Variants in IGF1R observed in about 807,000 individuals in gnomAD.
IGF1R encodes the protein insulin like growth factor 1 receptor, also known as insulin-like growth factor 1 receptor.
In IGF1R, 44 loss-of-function variants were observed where a neutral mutation model predicts 144.6. The ratio of observed to expected loss-of-function variants is 0.30; its 90% CI spans 0.24 to 0.39. IGF1R has a LOEUF of 0.39. Ranked by LOEUF, IGF1R falls within the 10% of genes least tolerant of loss-of-function variation. The pLI is 1.00. For synonymous variants in IGF1R, 795 were observed against 722.8 expected (o/e 1.10, Z -1.60); for missense variants, 1,355 against 1,833.7 (o/e 0.74, Z 4.77).
chr15:98,920,195 T>A (rs1192956572), intron 10 of IGF1R, among the ~76,000 whole-genome samples: 1 of 152,166 alleles, frequency 6.6e-6, no homozygotes, highest in African/African-American at 2.4e-5. Context: ...AATGTTTGCT[T>A]TTGGGCGTAC....
rs141759660 is a variant in IGF1R at position 98,788,891 on chromosome 15, G to A, written c.640+80784G>A. ...ACATTTTTTTCTTTACCATTTCTCC[G>A]TAGTTATTTCTAGCATTTTTTTTTC... On this transcript the variant is annotated intron_variant, in intron 2 of 20. Coordinates refer to ENST00000650285, the MANE Select transcript of IGF1R (RefSeq NM_000875.5). Among the ~76,000 whole-genome samples, 383 of 152,024 alleles carry A rather than the reference G, an allele frequency of 2.5e-3. 2 individuals carry two copies. Among genetic ancestry groups the A allele is most frequent in the African/African-American group, 8.2e-3 (339 of 41,450 alleles).
In IGF1R at chr15:98,960,148, GGTA is replaced by G. The variant is rs1177902603; in HGVS notation, c.*2707_*2709del. 1 of 233,582 alleles carries G rather than the reference GGTA, an allele frequency of 4.3e-6. No homozygotes were observed. Among genetic ancestry groups the G allele is most frequent in the Non-Finnish European group, 8.5e-6 (1 of 118,066 alleles). The allele number at this position is 233,582 out of a possible 1,614,324, so 14.5% of individuals were successfully genotyped here. A position where few individuals can be genotyped will look rare whatever the true frequency, so the allele number is the denominator to read the frequency against. On this transcript the variant is annotated 3_prime_UTR_variant, in exon 21 of 21. Coordinates refer to ENST00000650285, the MANE Select transcript of IGF1R (RefSeq NM_000875.5). ...CACCTGACAATAGGCCGTTGATACTGGTAACCTCATCCACGCCACAGGCGCCAC... is the reference window on the plus strand; with the variant it reads ...CACCTGACAATAGGCCGTTGATACTGACCTCATCCACGCCACAGGCGCCAC...
Position 98,944,205 on chromosome 15 carries a change from T to C in IGF1R, c.3587+1153T>C, listed in dbSNP as rs554096941. The stretch of plus-strand genomic sequence containing the variant: ...TGTAGTATAATAAAATAGAAAACTA[T>C]ACAGCCGGGGAGAACAGAAGCAGAA... On this transcript the variant is annotated intron_variant, in intron 19 of 20. Coordinates refer to ENST00000650285, the MANE Select transcript of IGF1R (RefSeq NM_000875.5). Among the ~76,000 whole-genome samples the C allele has an allele frequency of 4.6e-5, 7 of 152,208 alleles. No homozygotes were observed. In the East Asian group the frequency reaches 1.4e-3, roughly 29 times the overall value.
chr15:98,895,864 A>G (rs943720836), intron 3 of IGF1R, among the ~76,000 whole-genome samples: 1 of 152,198 alleles, frequency 6.6e-6, no homozygotes, highest in East Asian at 1.9e-4. Context: ...TTACACACAC[A>G]TCGCATAAGT....
intron 14 of IGF1R, among the ~76,000 whole-genome samples, chr15:98,929,920 C>T (rs990359788): frequency 6.6e-6 from 1 of 152,210 alleles, no homozygotes; most frequent in African/African-American, 2.4e-5. Flanking sequence ...GCATACTTTT[C>T]CAAACGCGAT....
At chr15:98,693,260 C>T (rs1042116277) in intron 1 of IGF1R, among the ~76,000 whole-genome samples, 20 of 152,158 alleles carry the variant, frequency 1.3e-4, no homozygotes, top group Non-Finnish European at 2.2e-4. Context: ...ATGTTGGCTA[C>T]GGGCAGGGGA....
In IGF1R at chr15:98,891,549, G is replaced by A. The variant is rs1225857187; in HGVS notation, c.865G>A (p.Glu289Lys). Residue 289 changes from glutamate to lysine, a missense_variant, in exon 3 of 21, where the codon GAG becomes AAG. By Grantham distance (56) the Glu-to-Lys change is moderately conservative. This residue lies in a region of IGF1R where 880 missense variants were observed against 1,202.7 expected (regional missense o/e 0.73). Coordinates refer to ENST00000650285, the MANE Select transcript of IGF1R (RefSeq NM_000875.5). This position sits in a 1 kb window ranked among gnomAD's most constrained non-coding sequence, Gnocchi z 4.7. ...RDFCANILSA[E>K]SSDSEGFVIH... is the part of the protein sequence containing the mutation. ...CTTCTGCGCCAACATCCTCAGCGCC[G>A]AGAGCAGCGACTCCGAGGGGTTTGT... 1.9e-6 allele frequency: 3 copies of A among 1,611,092 alleles called. No individual in the cohort carries two copies. The highest frequency in any genetic ancestry group is 3.3e-5 in the Admixed American group (2 of 60,028).
At chr15:98,730,145 G>A (rs1391076296) in intron 2 of IGF1R, among the ~76,000 whole-genome samples, 1 of 152,116 alleles carries the variant, frequency 6.6e-6, no homozygotes, top group Non-Finnish European at 1.5e-5. Context: ...AAATTCTAAT[G>A]TCTGAGTGTA....
At chr15:98,852,429 C>G (rs1046202786) in intron 2 of IGF1R, among the ~76,000 whole-genome samples, 1 of 152,248 alleles carries the variant, frequency 6.6e-6, no homozygotes, top group East Asian at 1.9e-4. Context: ...CCCACCCTCC[C>G]CGCCGGCCAA....
intron 1 of IGF1R, among the ~76,000 whole-genome samples, chr15:98,678,392 C>G (rs2053100944): frequency 6.6e-6 from 1 of 151,868 alleles, no homozygotes. Flanking sequence ...GAATTAATGA[C>G]TTTTCCTTTT....
rs529655908 is a variant in IGF1R at position 98,959,549 on chromosome 15, C to A, written c.*2107C>A. ...CAGACGCCACGGTGGCCCAAGAGCC[C>A]CTTTGCTTCTTGCTGGGGGACCAGG... On this transcript the variant is annotated 3_prime_UTR_variant, in exon 21 of 21. Coordinates refer to ENST00000650285, the MANE Select transcript of IGF1R (RefSeq NM_000875.5). 4.3e-6 allele frequency: 1 copy of A among 233,590 alleles called. No homozygotes were observed. The highest frequency in any genetic ancestry group is 8.5e-6 in the Non-Finnish European group (1 of 118,022). The allele number at this position is 233,590 out of a possible 1,614,324, so 14.5% of individuals were successfully genotyped here.
chr15:98,780,247 AGTT>A (rs1326949803), intron 2 of IGF1R, among the ~76,000 whole-genome samples: 1 of 152,094 alleles, frequency 6.6e-6, no homozygotes, highest in Non-Finnish European at 1.5e-5. Flanking sequence ...CTCATTTAAT[AGTT>A]GTTTAAATTA....
chr15:98,826,734 G>C (rs1438767479), intron 2 of IGF1R, among the ~76,000 whole-genome samples: 2 of 152,194 alleles, frequency 1.3e-5, no homozygotes, highest in African/African-American at 4.8e-5. Context: ...TTAGGGAGCT[G>C]TTTACTGTAA....
At chr15:98,833,794 C>T (rs1352747033) in intron 2 of IGF1R, among the ~76,000 whole-genome samples, 1 of 152,074 alleles carries the variant, frequency 6.6e-6, no homozygotes, top group Non-Finnish European at 1.5e-5. Context: ...TTATTGTTTG[C>T]TTTTTTTATT....
In IGF1R at chr15:98,648,978, A is replaced by G; in HGVS notation, c.-604A>G. On this transcript the variant is annotated 5_prime_UTR_variant, in exon 1 of 21. Coordinates refer to ENST00000650285, the MANE Select transcript of IGF1R (RefSeq NM_000875.5). Reference sequence around the variant, plus strand: ...TGTGTGTGTCCTGGATTTGGGAAGGAGCTCGCCGCGGCGGCGGCGGCGCTG... The same window carrying G: ...TGTGTGTGTCCTGGATTTGGGAAGGGGCTCGCCGCGGCGGCGGCGGCGCTG... The G allele has an allele frequency of 9.7e-6, 2 of 205,446 alleles. No individual in the cohort carries two copies. Among genetic ancestry groups the G allele is most frequent in the Non-Finnish European group, 1.9e-5 (2 of 102,684 alleles). The allele number at this position is 205,446 out of a possible 1,614,324, so 12.7% of individuals were successfully genotyped here. A position where few individuals can be genotyped will look rare whatever the true frequency, so the allele number is the denominator to read the frequency against.
intron 2 of IGF1R, among the ~76,000 whole-genome samples, chr15:98,838,236 A>G (rs2011120638): frequency 6.6e-6 from 1 of 151,992 alleles, no homozygotes; most frequent in East Asian, 1.9e-4. Flanking sequence ...TCAGTTAACC[A>G]TGTTCTTTGG....
chr15:98,825,026 G>A lies in IGF1R; in HGVS notation c.641-66299G>A, dbSNP rs1045394764. On this transcript the variant is annotated intron_variant, in intron 2 of 20. Coordinates refer to ENST00000650285, the MANE Select transcript of IGF1R (RefSeq NM_000875.5). ...TAATTTTTGTATTTTTAGTAGAATC[G>A]GAGTTTCACCATGTTGGCCAGGAGG... 5.3e-5 allele frequency among the ~76,000 whole-genome samples: 8 copies of A among 151,994 alleles called. No homozygotes were observed. The South Asian group carries it at 8.3e-4, about 16-fold the overall frequency.
chr15:98,690,905 AT>A (rs1248391545), intron 1 of IGF1R, among the ~76,000 whole-genome samples: 3 of 152,194 alleles, frequency 2.0e-5, no homozygotes, highest in African/African-American at 7.2e-5. Flanking sequence ...AAACATTTAA[AT>A]AGATCCCTGT....
In IGF1R at chr15:98,707,091, A is replaced by T. The variant is rs1236240587; in HGVS notation, c.95-471A>T. Among the ~76,000 whole-genome samples the T allele has an allele frequency of 6.6e-6, 1 of 152,170 alleles. No individual in the cohort carries two copies. The highest frequency in any genetic ancestry group is 1.9e-4 in the East Asian group (1 of 5,196). The stretch of plus-strand genomic sequence containing the variant: ...TCACAGTGACGGTTCTCCAGTGTAG[A>T]GTAGATTGATTGCCCTGTGTCCTTC... On this transcript the variant is annotated intron_variant, in intron 1 of 20. Transcript: ENST00000650285. The surrounding 1 kb of genome is among the most constrained non-coding windows in gnomAD (Gnocchi z 6.7).
Sources: gnomAD v4.1 joint callset for allele counts (sites outside exome capture counted in the v4.1 genomes callset) on GRCh38, gnomAD v4.1.1 for gene constraint, gnomAD v4.1.1 regional missense constraint, Gnocchi (gnomAD v3.1) non-coding constraint, MANE v1.5 for transcripts, NCBI Gene and HGNC (gene_info 2026-07-23, HGNC 2026-07-21) for gene names.